The following PRKN variants were observed in gnomAD, a reference collection of about 807,000 sequenced individuals.
The protein encoded by PRKN is E3 ubiquitin-protein ligase parkin.
In PRKN, 56 loss-of-function variants were observed where a neutral mutation model predicts 59.5. That is an observed-to-expected ratio of 0.94 (90% confidence interval 0.76 to 1.18). The LOEUF (loss-of-function observed/expected upper bound fraction) is 1.18. Ranked by LOEUF, PRKN falls within the 50% of genes most tolerant of loss-of-function variation. The pLI, the probability that PRKN is intolerant of heterozygous loss-of-function variation, is 0.00. For missense variants in PRKN, 657 were observed against 596.4 expected (o/e 1.10, Z -1.06); for synonymous variants, 250 against 222.1 (o/e 1.13, Z -1.12).
At chr6:162,297,935 G>A (rs1035589851) in intron 2 of PRKN, among the ~76,000 whole-genome samples, 6 of 152,098 alleles carry the variant, frequency 3.9e-5, no homozygotes, top group African/African-American at 1.2e-4. Context: ...GTTACAACAA[G>A]CAAAATATGT....
chr6:161,725,086 G>C (rs1366794295), intron 7 of PRKN, among the ~76,000 whole-genome samples: 1 of 152,204 alleles, frequency 6.6e-6, no homozygotes, highest in Non-Finnish European at 1.5e-5. Context: ...TAGGAGCCTA[G>C]CAGACGCTGG....
chr6:162,038,038 T>C (rs1341656607), intron 5 of PRKN, among the ~76,000 whole-genome samples: 1 of 150,538 alleles, frequency 6.6e-6, no homozygotes, highest in African/African-American at 2.4e-5. Flanking sequence ...TGGCACACAG[T>C]TCTGAAAAAA....
At chr6:162,496,753 C>T (rs1793081838) in intron 1 of PRKN, among the ~76,000 whole-genome samples, 1 of 152,142 alleles carries the variant, frequency 6.6e-6, no homozygotes, top group Admixed American at 6.5e-5. Context: ...TTAAATTAGA[C>T]ATAATAAGTG....
At chr6:162,618,986 T>C (rs1389387658) in intron 1 of PRKN, among the ~76,000 whole-genome samples, 1 of 152,144 alleles carries the variant, frequency 6.6e-6, no homozygotes, top group Non-Finnish European at 1.5e-5. Context: ...CTATAATACC[T>C]AGATTTTAGT....
At chr6:162,266,153 C>T (rs1583288934) in intron 2 of PRKN, among the ~76,000 whole-genome samples, 1 of 152,254 alleles carries the variant, frequency 6.6e-6, no homozygotes, top group Non-Finnish European at 1.5e-5. Flanking sequence ...TTTTTCCCTA[C>T]CTTTCCATGT....
At chr6:162,166,749 C>A (rs1479797816) in intron 4 of PRKN, among the ~76,000 whole-genome samples, 2 of 152,070 alleles carry the variant, frequency 1.3e-5, no homozygotes, top group Admixed American at 6.6e-5. Flanking sequence ...AAAAGCAATC[C>A]TTACCCAACA....
At chr6:161,935,043 T>C (rs1779302005) in intron 6 of PRKN, among the ~76,000 whole-genome samples, 1 of 152,204 alleles carries the variant, frequency 6.6e-6, no homozygotes, top group South Asian at 2.1e-4. Flanking sequence ...TAGGTTAAGT[T>C]TGCAAAATCT....
intron 5 of PRKN, among the ~76,000 whole-genome samples, chr6:162,009,404 C>T (rs1490741317): frequency 6.6e-6 from 1 of 151,796 alleles, no homozygotes; most frequent in Non-Finnish European, 1.5e-5. Flanking sequence ...ACTGCATAAG[C>T]TAATGAAACA....
intron 1 of PRKN, among the ~76,000 whole-genome samples, chr6:162,559,144 C>A (rs1393500036): frequency 9.5e-6 from 1 of 104,798 alleles, no homozygotes; most frequent in Non-Finnish European, 1.8e-5. Context: ...GAGCAAGATT[C>A]CGTCTCAAAA....
chr6:162,174,315 G>T (rs1158321975), intron 4 of PRKN, among the ~76,000 whole-genome samples: 3 of 152,092 alleles, frequency 2.0e-5, no homozygotes, highest in African/African-American at 7.2e-5. Flanking sequence ...CAGCACGCAG[G>T]AAATAAATAA....
At chr6:162,502,353 G>T (rs1340798843) in intron 1 of PRKN, among the ~76,000 whole-genome samples, 1 of 152,084 alleles carries the variant, frequency 6.6e-6, no homozygotes, top group African/African-American at 2.4e-5. Flanking sequence ...TAAAGATGAG[G>T]TCTCACTATC....
chr6:162,069,576 T>A (rs1778488542), intron 4 of PRKN, among the ~76,000 whole-genome samples: 1 of 152,226 alleles, frequency 6.6e-6, no homozygotes, highest in Admixed American at 6.5e-5. Flanking sequence ...CTTTCTAACT[T>A]GAATTTATTC....
intron 2 of PRKN, among the ~76,000 whole-genome samples, chr6:162,360,880 G>C (rs989726929): frequency 6.6e-6 from 1 of 152,138 alleles, no homozygotes; most frequent in Non-Finnish European, 1.5e-5. Context: ...AAGGATAAAG[G>C]AACTGGCCTT....
intron 3 of PRKN, among the ~76,000 whole-genome samples, chr6:162,255,877 T>C (rs1779620449): frequency 6.6e-6 from 1 of 152,194 alleles, no homozygotes; most frequent in Admixed American, 6.5e-5. Context: ...CGATTTTCAT[T>C]TAATCCACTG....
At position 161,899,251 on chromosome 6, in the gene PRKN, G is replaced by A. The variant is rs117543573; in HGVS notation, c.734+74051C>T. Among the ~76,000 whole-genome samples the A allele has an allele frequency of 1.1e-4, 16 of 152,278 alleles. 1 individual carries two copies. The East Asian group carries it at 3.1e-3, about 29-fold the overall frequency. On this transcript the variant is annotated intron_variant, in intron 6 of 11. Transcript: ENST00000366898. ...ATATTTCCCATTGTCCAAAAATAAG[G>A]CCAGACGGAAACATCTTTCAGTATG... is the stretch of plus-strand genomic sequence containing the variant.
chr6:161,793,190 G>C (rs904632307), intron 6 of PRKN, among the ~76,000 whole-genome samples: 2 of 152,172 alleles, frequency 1.3e-5, no homozygotes, highest in African/African-American at 4.8e-5. Flanking sequence ...ACAGTTGAAT[G>C]ATCTTCAAAA....
intron 6 of PRKN, among the ~76,000 whole-genome samples, chr6:161,804,284 G>C (rs1453543293): frequency 6.6e-6 from 1 of 152,154 alleles, no homozygotes; most frequent in Non-Finnish European, 1.5e-5. Flanking sequence ...TGCAGCAGCA[G>C]AACTTGATCT....
intron 1 of PRKN, among the ~76,000 whole-genome samples, chr6:162,500,632 T>C (rs895051226): frequency 2.0e-5 from 3 of 152,224 alleles, no homozygotes; most frequent in African/African-American, 7.2e-5. Flanking sequence ...AGAGTCTCTT[T>C]TCTTACAATG....
chr6:162,203,484 G>C (rs1420295863), intron 3 of PRKN, among the ~76,000 whole-genome samples: 1 of 152,136 alleles, frequency 6.6e-6, no homozygotes, highest in Non-Finnish European at 1.5e-5. Context: ...AGCCCCTCCA[G>C]AACGGCTTCC....
Sources: allele counts gnomAD v4.1 joint callset (sites outside exome capture counted in the v4.1 genomes callset), GRCh38; gene constraint gnomAD v4.1.1; transcripts MANE v1.5; gene names NCBI Gene and HGNC (gene_info 2026-07-23, HGNC 2026-07-21).